Variants in ATG4B observed in about 807,000 individuals in gnomAD.
ATG4B encodes cysteine protease ATG4B.
ATG4B carries 29 observed loss-of-function variants against 56.6 expected under a neutral mutation model. The observed-to-expected ratio is 0.51, with a 90% confidence interval of 0.38 to 0.70. The LOEUF (loss-of-function observed/expected upper bound fraction) is 0.70, where lower values mean the gene tolerates loss of function less well. Ranked by LOEUF, ATG4B falls within the 30% of genes least tolerant of loss-of-function variation. The pLI is 0.00. For missense variants in ATG4B, 461 were observed against 515.5 expected, an observed-to-expected ratio of 0.89 and a Z score of 1.02; for synonymous variants, 224 against 206.1, an observed-to-expected ratio of 1.09 and a Z score of -0.74.
In ATG4B at chr2:241,673,836, A is replaced by G. The variant is rs1482402629; in HGVS notation, c.*1572A>G. On this transcript the variant is annotated 3_prime_UTR_variant, in exon 13 of 13. Transcript: ENST00000404914. ...AGTTTGCAATTCTTAATGGCAAATA[A>G]TAAGTTTCAGTAGAAAACAAACCTT... 4 of 426,778 alleles carry G rather than the reference A, an allele frequency of 9.4e-6. No individual in the cohort carries two copies. The highest frequency in any genetic ancestry group is 6.4e-5 in the South Asian group (4 of 62,828). 26.4% of individuals were successfully genotyped at this position (426,778 alleles called of 1,614,324 possible).
intron 1 of ATG4B, among the ~76,000 whole-genome samples, chr2:241,645,133 C>T (rs927003603): frequency 2.0e-5 from 3 of 152,202 alleles, no homozygotes; most frequent in Non-Finnish European, 2.9e-5. Context: ...GAGTTCTGCT[C>T]GGAGGGCCTG....
At chr2:241,645,723 T>G (rs909792198) in intron 1 of ATG4B, among the ~76,000 whole-genome samples, 1 of 152,138 alleles carries the variant, frequency 6.6e-6, no homozygotes, top group Admixed American at 6.5e-5. Flanking sequence ...CACTCCCCAC[T>G]TGCAGCGTCC....
intron 12 of ATG4B, 136 bp from the exon 13 acceptor site, chr2:241,672,055 T>G: frequency 3.2e-5 from 45 of 1,391,184 alleles, no homozygotes; most frequent in East Asian, 1.2e-4. Context: ...CCCGGACCTG[T>G]TCACACCCGC....
In ATG4B at chr2:241,673,711, G is replaced by T; in HGVS notation, c.*1447G>T. On this transcript the variant is annotated 3_prime_UTR_variant, in exon 13 of 13. Coordinates refer to ENST00000404914, the MANE Select transcript of ATG4B (RefSeq NM_013325.5). ...ATGGTGCGCCGCTGTGCTGGGAGCT[G>T]CAGTGGTAATGTGTGGGACACCTTG... The T allele has an allele frequency of 2.2e-6, 1 of 455,860 alleles. No individual in the cohort carries two copies. Among genetic ancestry groups the T allele is most frequent in the Non-Finnish European group, 4.4e-6 (1 of 227,064 alleles). 28.2% of individuals were successfully genotyped at this position (455,860 alleles called of 1,614,324 possible).
chr2:241,655,454 A>G (rs2068369040), intron 6 of ATG4B, 111 bp downstream of exon 6: 1 of 1,075,012 alleles, frequency 9.3e-7, no homozygotes, highest in Non-Finnish European at 1.4e-6. Context: ...CTAATTATTT[A>G]CTTCATGGCC....
At position 241,672,372 on chromosome 2, in the gene ATG4B, TC is replaced by T. The variant is rs2069009102; in HGVS notation, c.*114del. The T allele has an allele frequency of 1.8e-5, 19 of 1,070,878 alleles. No homozygotes were observed. Among genetic ancestry groups the T allele is most frequent in the South Asian group, 1.0e-4 (7 of 68,840 alleles). The allele number at this position is 1,070,878 out of a possible 1,614,324, so 66.3% of individuals were successfully genotyped here. ...GCCGAGGGCTGCGCCCCGTGCTGCC[TC>T]CCCCCAGAGGGCCACCCGCTGTGCT... On this transcript the variant is annotated 3_prime_UTR_variant, in exon 13 of 13. Transcript: ENST00000404914.
rs183235226 is a variant in ATG4B at position 241,666,916 on chromosome 2, G to A, written c.732+78G>A. The A allele has an allele frequency of 5.0e-4, 733 of 1,466,668 alleles. 1 individual carries two copies. The East Asian group carries it at 0.011, about 22-fold the overall frequency. The allele number at this position is 1,466,668 out of a possible 1,614,324, so 90.9% of individuals were successfully genotyped here. A position where few individuals can be genotyped will look rare whatever the true frequency, so the allele number is the denominator to read the frequency against. ...TCTTAGTCACTTTCAGCGCATCGTCGTCACGTGGCCATTTGTGCAGCCGGC... is the reference window on the plus strand; with the variant it reads ...TCTTAGTCACTTTCAGCGCATCGTCATCACGTGGCCATTTGTGCAGCCGGC... On this transcript the variant is annotated intron_variant, in intron 8 of 12. Coordinates refer to ENST00000404914, the MANE Select transcript of ATG4B (RefSeq NM_013325.5).
chr2:241,650,723 ACTCAGTGG>A (rs2068204688), intron 1 of ATG4B, among the ~76,000 whole-genome samples: 1 of 151,746 alleles, frequency 6.6e-6, no homozygotes, highest in South Asian at 2.1e-4. Context: ...TTAGACACTG[ACTCAGTGG>A]CTCAGAATAT....
chr2:241,658,704 T>A (rs936086574), intron 6 of ATG4B, among the ~76,000 whole-genome samples: 3 of 152,130 alleles, frequency 2.0e-5, no homozygotes, highest in Admixed American at 6.5e-5. Context: ...CAGCTCAGCG[T>A]GTTTGGTGGA....
intron 1 of ATG4B, among the ~76,000 whole-genome samples, chr2:241,643,663 C>CGTGTGTGT (rs369340875): frequency 0.022 from 2,932 of 135,594 alleles, 109 homozygotes; most frequent in Admixed American, 0.069. Context: ...TATATATATA[C>CGTGTGTGT]GTGTGTGTGT....
At chr2:241,643,692 T>A (rs904306191) in intron 1 of ATG4B, among the ~76,000 whole-genome samples, 3 of 91,154 alleles carry the variant, frequency 3.3e-5, no homozygotes, top group African/African-American at 2.1e-4. Context: ...ATGTATATAT[T>A]TTCCCCCCCC....
Position 241,671,844 on chromosome 2 carries a change from C to T in ATG4B, c.1109-347C>T, listed in dbSNP as rs947388890. 19 of 1,281,152 alleles carry T rather than the reference C, an allele frequency of 1.5e-5. No individual in the cohort carries two copies. In the Admixed American group the frequency reaches 3.4e-4, roughly 23 times the overall value. 79.4% of individuals were successfully genotyped at this position (1,281,152 alleles called of 1,614,324 possible). On this transcript the variant is annotated intron_variant, in intron 12 of 12. Coordinates refer to ENST00000404914, the MANE Select transcript of ATG4B (RefSeq NM_013325.5). Reference sequence around the variant, plus strand: ...GCAGTGAAGTGAGTGGCCGTGAGCGCGTCCTCCTCATCTCTGTCTCCCTGT... The same window carrying T: ...GCAGTGAAGTGAGTGGCCGTGAGCGTGTCCTCCTCATCTCTGTCTCCCTGT...
chr2:241,652,370 G>A (rs1194694016), intron 3 of ATG4B, among the ~76,000 whole-genome samples: 1 of 152,230 alleles, frequency 6.6e-6, no homozygotes, highest in Non-Finnish European at 1.5e-5. Flanking sequence ...CTGGGAAGGA[G>A]AACAGGACTG....
At chr2:241,664,018 C>T (rs1193068359) in intron 7 of ATG4B, among the ~76,000 whole-genome samples, 1 of 152,126 alleles carries the variant, frequency 6.6e-6, no homozygotes, top group Non-Finnish European at 1.5e-5. Context: ...CCATATTTCA[C>T]CATGTTGGCC....
At chr2:241,643,861 C>T (rs929133989) in intron 1 of ATG4B, among the ~76,000 whole-genome samples, 4 of 151,764 alleles carry the variant, frequency 2.6e-5, no homozygotes, top group African/African-American at 9.7e-5. Flanking sequence ...CTGCACCCGG[C>T]GAGTGGATAT....
chr2:241,647,064 A>G (rs982887499), intron 1 of ATG4B, among the ~76,000 whole-genome samples: 1 of 151,870 alleles, frequency 6.6e-6, no homozygotes, highest in Non-Finnish European at 1.5e-5. Flanking sequence ...GATTACAGGC[A>G]TGAGCCCCTG....
Position 241,666,697 on chromosome 2 carries a change from A to AGATTCCGACC in ATG4B, c.593_602dup (p.His202PhefsTer13). On this transcript the variant is annotated frameshift_variant, in exon 8 of 13. Coordinates refer to ENST00000404914, the MANE Select transcript of ATG4B (RefSeq NM_013325.5). LOFTEE classifies it high-confidence loss of function. ...GTGCAGGCGCCACTGCGTTTCCTGC[A>AGATTCCGACC]GATTCCGACCGGCACTGCAACGGAT... 6.2e-7 allele frequency: 1 copy of AGATTCCGACC among 1,613,398 alleles called. No individual in the cohort carries two copies. Among genetic ancestry groups the AGATTCCGACC allele is most frequent in the Non-Finnish European group, 8.5e-7 (1 of 1,179,700 alleles).
In ATG4B at chr2:241,672,474, G is replaced by T. The variant is rs1300994296; in HGVS notation, c.*210G>T. 1.7e-6 allele frequency: 1 copy of T among 593,080 alleles called. No homozygotes were observed. Among genetic ancestry groups the T allele is most frequent in the Admixed American group, 3.0e-5 (1 of 33,072 alleles). The allele number at this position is 593,080 out of a possible 1,614,324, so 36.7% of individuals were successfully genotyped here. A position where few individuals can be genotyped will look rare whatever the true frequency, so the allele number is the denominator to read the frequency against. Reference sequence around the variant, plus strand: ...TGCCCAGCTCAGAGTGCCCGTCAGGGCCTGTGCATCCGCACGCGGAGCCGT... The same window carrying T: ...TGCCCAGCTCAGAGTGCCCGTCAGGTCCTGTGCATCCGCACGCGGAGCCGT... On this transcript the variant is annotated 3_prime_UTR_variant, in exon 13 of 13. Transcript: ENST00000404914.
At position 241,673,413 on chromosome 2, in the gene ATG4B, TG is replaced by T. The variant is rs886090938; in HGVS notation, c.*1152del. The T allele has an allele frequency of 4.3e-5, 16 of 376,176 alleles. No homozygotes were observed. The highest frequency in any genetic ancestry group is 3.3e-4 in the African/African-American group (16 of 47,838). 23.3% of individuals were successfully genotyped at this position (376,176 alleles called of 1,614,324 possible). A position where few individuals can be genotyped will look rare whatever the true frequency, so the allele number is the denominator to read the frequency against. On this transcript the variant is annotated 3_prime_UTR_variant, in exon 13 of 13. Transcript: ENST00000404914. ...TGTAAACAGGAGGGCTTGGGGAGCGTGGGCACTTTTCTCATGAGCAGCTACT... is the reference window on the plus strand; with the variant it reads ...TGTAAACAGGAGGGCTTGGGGAGCGTGGCACTTTTCTCATGAGCAGCTACT...
Sources: gnomAD v4.1 joint callset for allele counts (sites outside exome capture counted in the v4.1 genomes callset) on GRCh38, gnomAD v4.1.1 for gene constraint, MANE v1.5 for transcripts, NCBI Gene and HGNC (gene_info 2026-07-23, HGNC 2026-07-21) for gene names.